CEP164: variants seen among roughly 807,000 people sequenced by gnomAD.
CEP164 encodes the protein centrosomal protein 164.
A neutral mutation model predicts 182.7 loss-of-function variants in CEP164; 162 were observed. The ratio of observed to expected loss-of-function variants is 0.89; its 90% confidence interval spans 0.78 to 1.01. CEP164 has a LOEUF of 1.01. CEP164 is among the 50% of genes least tolerant of loss of function. The pLI is 0.00. For synonymous variants in CEP164, 661 were observed against 690.0 expected, an observed-to-expected ratio of 0.96 and a Z score of 0.66; for missense variants, 1,735 against 1,790.4, an observed-to-expected ratio of 0.97 and a Z score of 0.56.
At chr11:117,341,437 TTTG>T (rs147372359) in intron 3 of CEP164, among the ~76,000 whole-genome samples, 11,065 of 151,922 alleles carry the variant, frequency 0.073, 538 homozygotes, top group East Asian at 0.16. Context: ...TTGGCCTTTT[TTTG>T]TTGTTTGTTT....
intron 7 of CEP164, 124 bp downstream of exon 7, chr11:117,362,662 G>A (rs139352710): frequency 0.024 from 25,993 of 1,098,196 alleles, 378 homozygotes; most frequent in Non-Finnish European, 0.028. Flanking sequence ...CCATTTTAAA[G>A]TTAAAATTCA....
intron 8 of CEP164, among the ~76,000 whole-genome samples, chr11:117,365,342 C>G (rs1473125463): frequency 1.3e-5 from 2 of 152,168 alleles, no homozygotes; most frequent in Admixed American, 1.3e-4. Flanking sequence ...AATGAGCCAC[C>G]TCGGGACAGA....
chr11:117,408,162 T>G (rs1322022608), intron 28 of CEP164, 130 bp downstream of exon 28: 1 of 606,646 alleles, frequency 1.6e-6, no homozygotes, highest in Non-Finnish European at 2.9e-6. Context: ...GCAGTAGGCT[T>G]GTCTACTGGC....
chr11:117,351,168 G>T (rs1211076096), intron 4 of CEP164, among the ~76,000 whole-genome samples: 1 of 152,126 alleles, frequency 6.6e-6, no homozygotes, highest in East Asian at 1.9e-4. Flanking sequence ...GAGTAGCTGG[G>T]ATTACAGGCA....
In CEP164 at chr11:117,357,049, T is replaced by A. The variant is rs150701567; in HGVS notation, c.394-4786T>A. Among the ~76,000 whole-genome samples the A allele has an allele frequency of 1.1e-4, 17 of 152,356 alleles. No homozygotes were observed. In the East Asian group the frequency reaches 3.1e-3, roughly 28 times the overall value. On this transcript the variant is annotated intron_variant, in intron 5 of 32. Coordinates refer to ENST00000278935, the MANE Select transcript of CEP164 (RefSeq NM_014956.5). ...GGCAGCCTACCCCAAAGCTCTGAAC[T>A]TTATTTCTTCTCGAAATCAGACAGA...
Position 117,394,839 on chromosome 11 carries a change from G to T in CEP164, c.2761-81G>T. 1 of 1,355,410 alleles carries T rather than the reference G, an allele frequency of 7.4e-7. No homozygotes were observed. Among genetic ancestry groups the T allele is most frequent in the Non-Finnish European group, 1.0e-6 (1 of 954,026 alleles). 84.0% of individuals were successfully genotyped at this position (1,355,410 alleles called of 1,614,324 possible). ...CAGAGTGGAGGTTGTGGTGTGGCAT[G>T]GTGGGTTCTGGAACCCCCTCCTGCC... is the stretch of plus-strand genomic sequence containing the variant. On this transcript the variant is annotated intron_variant, in intron 21 of 32. Transcript: ENST00000278935. The surrounding 1 kb of genome is among the most constrained non-coding windows in gnomAD (Gnocchi z 4.0).
intron 8 of CEP164, among the ~76,000 whole-genome samples, chr11:117,368,311 A>G (rs1429709578): frequency 6.6e-6 from 1 of 152,200 alleles, no homozygotes; most frequent in Non-Finnish European, 1.5e-5. Flanking sequence ...ATTGCATGGC[A>G]AAGTACTGAG....
chr11:117,355,205 G>T (rs771704630), intron 5 of CEP164: 88 of 1,289,720 alleles, frequency 6.8e-5, no homozygotes, highest in Non-Finnish European at 8.2e-5. Flanking sequence ...CTTAGGCAGG[G>T]CCCCAGCCCA....
chr11:117,410,357 A>C, intron 30 of CEP164: 1 of 311,300 alleles, frequency 3.2e-6, no homozygotes, highest in South Asian at 4.0e-5. Flanking sequence ...TTTAGTTCTT[A>C]ATTCTCTGAG....
intron 13 of CEP164, 58 bp from the exon 14 acceptor site, chr11:117,382,738 C>G (rs1395866608): frequency 1.3e-6 from 2 of 1,588,228 alleles, no homozygotes; most frequent in Non-Finnish European, 1.7e-6. Context: ...TGGCGTACAT[C>G]TTAAGCCTCT....
chr11:117,384,690 T>A (rs1450277957), intron 14 of CEP164: 1 of 152,202 alleles, frequency 6.6e-6, no homozygotes, highest in Non-Finnish European at 1.5e-5. Context: ...GTTTATACCA[T>A]CCCCTTAGGA....
intron 14 of CEP164, 165 bp from the exon 15 acceptor site, chr11:117,387,038 G>T: frequency 3.1e-6 from 2 of 649,980 alleles, no homozygotes; most frequent in Non-Finnish European, 2.7e-6. Flanking sequence ...TATGGAACAA[G>T]CATTGACTGT....
intron 1 of CEP164, among the ~76,000 whole-genome samples, chr11:117,328,940 T>G (rs1019377650): frequency 6.6e-6 from 1 of 152,126 alleles, no homozygotes; most frequent in Non-Finnish European, 1.5e-5. Context: ...GCCTCTTAAT[T>G]CCCCTAGAAT....
chr11:117,360,600 T>C lies in CEP164; in HGVS notation c.394-1235T>C, dbSNP rs564451724. Reference sequence around the variant, plus strand: ...GTTGCCCAGGCTGGTCTTGAACTCCTGGCCTTAAGTGATCTTCCTACCTTG... The same window carrying C: ...GTTGCCCAGGCTGGTCTTGAACTCCCGGCCTTAAGTGATCTTCCTACCTTG... On this transcript the variant is annotated intron_variant, in intron 5 of 32. Transcript: ENST00000278935. 3.3e-5 allele frequency among the ~76,000 whole-genome samples: 5 copies of C among 152,322 alleles called. No individual in the cohort carries two copies. In the East Asian group the frequency reaches 9.7e-4, roughly 29 times the overall value.
At chr11:117,362,627 T>C (rs551676752) in intron 7 of CEP164, 89 bp downstream of exon 7, 3 of 1,464,824 alleles carry the variant, frequency 2.0e-6, no homozygotes, top group East Asian at 4.6e-5. Context: ...AGAAAAAATA[T>C]GTAACATAAA....
intron 12 of CEP164, among the ~76,000 whole-genome samples, chr11:117,381,045 T>C (rs1592282182): frequency 6.6e-6 from 1 of 152,172 alleles, no homozygotes; most frequent in African/African-American, 2.4e-5. Flanking sequence ...TGCCTGGTTA[T>C]GGGCCAGGGC....
intron 10 of CEP164, 97 bp from the exon 11 acceptor site, chr11:117,375,611 C>A: frequency 1.1e-6 from 1 of 916,584 alleles, no homozygotes; most frequent in Non-Finnish European, 1.8e-6. Flanking sequence ...ACATAATAGA[C>A]ATCTTTCTGG....
At chr11:117,391,996 C>A (rs919584966) in intron 17 of CEP164, among the ~76,000 whole-genome samples, 2 of 152,148 alleles carry the variant, frequency 1.3e-5, no homozygotes, top group Admixed American at 6.5e-5. Flanking sequence ...AGCAGAGAGC[C>A]GAAACTTACT....
chr11:117,389,637 T>C (rs1453507374), intron 15 of CEP164, among the ~76,000 whole-genome samples: 2 of 152,130 alleles, frequency 1.3e-5, no homozygotes, highest in Non-Finnish European at 2.9e-5. Flanking sequence ...ATTGATGAGC[T>C]TGTAGGGAGT....
Sources: allele counts gnomAD v4.1 joint callset (sites outside exome capture counted in the v4.1 genomes callset), GRCh38; gene constraint gnomAD v4.1.1; non-coding constraint Gnocchi (gnomAD v3.1); transcripts MANE v1.5; gene names NCBI Gene and HGNC (gene_info 2026-07-23, HGNC 2026-07-21).